Variants in EIF3D observed in about 807,000 individuals in gnomAD.
The protein encoded by EIF3D is eIF3 p66.
In EIF3D, 10 loss-of-function variants were observed where a neutral mutation model predicts 75.4. The observed-to-expected ratio is 0.13, with a 90% CI of 0.08 to 0.22. EIF3D has a LOEUF of 0.22. EIF3D is among the 10% of genes least tolerant of loss of function. The probability of loss-of-function intolerance (pLI) is 1.00; values close to 1 mark genes in which losing one functional copy is unlikely to be tolerated. For synonymous variants in EIF3D, 246 were observed against 248.3 expected (o/e 0.99, Z 0.09); for missense variants, 394 against 708.0 (o/e 0.56, Z 5.03).
At chr22:36,516,863 C>T in intron 10 of EIF3D, 73 bp from the exon 11 acceptor site, 1 of 1,395,790 alleles carries the variant, frequency 7.2e-7, no homozygotes, top group East Asian at 2.3e-5. Flanking sequence ...TCAGACCCAG[C>T]ACCTCTGCTT....
At chr22:36,522,171 T>C (rs563829904) in intron 6 of EIF3D, among the ~76,000 whole-genome samples, 7 of 152,112 alleles carry the variant, frequency 4.6e-5, no homozygotes, top group African/African-American at 1.4e-4. Flanking sequence ...CTGGGGAACA[T>C]GGCAGAACCC....
chr22:36,524,711 C>G lies in EIF3D; in HGVS notation c.191G>C (p.Gly64Ala). 6.2e-7 allele frequency: 1 copy of G among 1,614,214 alleles called. No individual in the cohort carries two copies. The highest frequency in any genetic ancestry group is 8.5e-7 in the Non-Finnish European group (1 of 1,180,048). The part of the protein sequence containing the change: ...RYTNKYSSQF[G>A]GGSQYAYFHE... ...GAAATAAGCATATTGACTTCCACCACCAAACTGAGAGGAGTACTTATCTGG... is the reference window on the plus strand; with the variant it reads ...GAAATAAGCATATTGACTTCCACCAGCAAACTGAGAGGAGTACTTATCTGG... The change falls in exon 4 of 15, where the codon GGT becomes GCT. Residue 64 changes from glycine to alanine, a missense_variant. Coordinates refer to ENST00000216190, the MANE Select transcript of EIF3D (RefSeq NM_003753.4).
chr22:36,528,748 AAGTC>A (rs1366792307), intron 1 of EIF3D: 1 of 152,424 alleles, frequency 6.6e-6, no homozygotes, highest in African/African-American at 2.4e-5. Flanking sequence ...CTCACTCAAA[AAGTC>A]AGGGAGTTTT....
chr22:36,511,090 G>A (rs1934326781), intron 14 of EIF3D, 90 bp from the exon 15 acceptor site: 1 of 1,481,182 alleles, frequency 6.8e-7, no homozygotes, highest in Non-Finnish European at 9.1e-7. Flanking sequence ...GACTGTGCGT[G>A]AGTTTTCAAC....
At chr22:36,522,503 C>A (rs1441507064) in intron 6 of EIF3D, among the ~76,000 whole-genome samples, 2 of 152,226 alleles carry the variant, frequency 1.3e-5, no homozygotes, top group African/African-American at 4.8e-5. Flanking sequence ...ACTGTACCGA[C>A]ACATGCTACC....
intron 12 of EIF3D, chr22:36,515,937 A>G (rs1405113090): frequency 2.6e-5 from 4 of 152,424 alleles, no homozygotes; most frequent in African/African-American, 9.7e-5. Flanking sequence ...TAGAGGAGGA[A>G]AAGTGAAGGA....
intron 9 of EIF3D, among the ~76,000 whole-genome samples, chr22:36,517,710 A>C (rs1400843404): frequency 6.6e-6 from 1 of 152,162 alleles, no homozygotes. Context: ...TGATTTTGCA[A>C]GCTTTTTAAT....
intron 12 of EIF3D, among the ~76,000 whole-genome samples, chr22:36,514,746 CT>C (rs1309727240): frequency 6.6e-6 from 1 of 152,130 alleles, no homozygotes; most frequent in African/African-American, 2.4e-5. Context: ...TTGGAAGTGG[CT>C]TTTCTTTCAG....
chr22:36,528,280 A>G (rs6000303), intron 1 of EIF3D, among the ~76,000 whole-genome samples: 46,329 of 151,920 alleles, frequency 0.3, 9,036 homozygotes, highest in African/African-American at 0.56. Context: ...ACCGTACATC[A>G]TAATACCAAG....
At chr22:36,526,613 C>CTTTCTTT (rs1555889295) in intron 1 of EIF3D, among the ~76,000 whole-genome samples, 5 of 145,776 alleles carry the variant, frequency 3.4e-5, no homozygotes, top group African/African-American at 7.6e-5. Context: ...TTCTTTCTTT[C>CTTTCTTT]TTTTTTTTTT....
chr22:36,515,820 GA>G (rs912647996), intron 12 of EIF3D, among the ~76,000 whole-genome samples: 1 of 133,134 alleles, frequency 7.5e-6, no homozygotes, highest in African/African-American at 2.8e-5. Context: ...AGCTCACCAG[GA>G]AAAATCCAAG....
In EIF3D at chr22:36,519,449, T is replaced by C. The variant is rs757085189; in HGVS notation, c.667A>G (p.Ile223Val). Residue 223 changes from isoleucine to valine, a missense_variant, in exon 8 of 15, where the codon ATC becomes GTC. By Grantham distance (29) the Ile-to-Val change is conservative. Transcript: ENST00000216190. ...SEKPLRSIKR[I>V]FHTVTTTDDP... ...TCTGTGGTGGTGACAGTGTGGAAGA[T>C]GCGCTTGATGCTCCGCAGTGGCTTC... 8 of 1,614,076 alleles carry C rather than the reference T, an allele frequency of 5.0e-6. No individual in the cohort carries two copies. The highest frequency in any genetic ancestry group is 2.2e-5 in the South Asian group (2 of 91,090).
chr22:36,511,226 TC>T, intron 14 of EIF3D: 1 of 804,208 alleles, frequency 1.2e-6, no homozygotes, highest in Non-Finnish European at 1.9e-6. Context: ...AGCTTTTCCC[TC>T]TAGACCACCG....
chr22:36,522,426 T>C (rs181036393), intron 6 of EIF3D, among the ~76,000 whole-genome samples: 2 of 152,300 alleles, frequency 1.3e-5, no homozygotes, highest in East Asian at 3.9e-4. Flanking sequence ...CGACTTTTCA[T>C]ATATGTGGCT....
Position 36,528,985 on chromosome 22 carries a change from G to C in EIF3D, c.-11+91C>G, listed in dbSNP as rs3765237. On this transcript the variant is annotated intron_variant, in intron 1 of 14. Coordinates refer to ENST00000216190, the MANE Select transcript of EIF3D (RefSeq NM_003753.4). The stretch of plus-strand genomic sequence containing the variant: ...GACGGCAACAGCAGGAAGGGACTAA[G>C]AGAGGTCTCTTCCGGGAGGCCCCCC... The C allele has an allele frequency of 3.4e-4, 103 of 303,972 alleles. No individual in the cohort carries two copies. The East Asian group carries it at 5.3e-3, about 16-fold the overall frequency. The allele number at this position is 303,972 out of a possible 1,614,324, so 18.8% of individuals were successfully genotyped here. A position where few individuals can be genotyped will look rare whatever the true frequency, so the allele number is the denominator to read the frequency against.
chr22:36,522,314 C>G (rs142964812), intron 6 of EIF3D, among the ~76,000 whole-genome samples: 41 of 152,174 alleles, frequency 2.7e-4, no homozygotes, highest in African/African-American at 9.2e-4. Context: ...AGATTCATGC[C>G]ACTGCACTCC....
chr22:36,518,685 T>C, intron 9 of EIF3D, 78 bp downstream of exon 9: 1 of 1,553,448 alleles, frequency 6.4e-7, no homozygotes, highest in Non-Finnish European at 8.7e-7. Context: ...TTCTATCCAT[T>C]CTCTAGTACC....
chr22:36,512,703 G>C (rs569779139), intron 12 of EIF3D, 101 bp from the exon 13 acceptor site: 16 of 1,397,644 alleles, frequency 1.1e-5, no homozygotes, highest in East Asian at 2.4e-5. Context: ...TGCTTGCTTA[G>C]AAAGTGGGTA....
intron 3 of EIF3D, 30 bp from the exon 4 acceptor site, chr22:36,524,762 C>A (rs1481215716): frequency 1.2e-6 from 2 of 1,614,000 alleles, no homozygotes; most frequent in Admixed American, 1.7e-5. Flanking sequence ...CATGTAGTAA[C>A]TGCACCCACA....
Sources: gnomAD v4.1 joint callset for allele counts (sites outside exome capture counted in the v4.1 genomes callset) on GRCh38, gnomAD v4.1.1 for gene constraint, MANE v1.5 for transcripts, NCBI Gene and HGNC (gene_info 2026-07-23, HGNC 2026-07-21) for gene names.